Variants in TCF7L1 observed in about 807,000 individuals in gnomAD.
TCF7L1 encodes transcription factor 7 like 1.
Under a neutral mutation model 63.7 loss-of-function variants are expected in TCF7L1, and 18 were observed. The ratio of observed to expected loss-of-function variants is 0.28; its 90% CI spans 0.20 to 0.42. The LOEUF (loss-of-function observed/expected upper bound fraction) is 0.42, where lower values mean the gene tolerates loss of function less well. TCF7L1 is among the 10% of genes least tolerant of loss of function. TCF7L1 has a pLI of 1.00. For synonymous variants in TCF7L1, 355 were observed against 340.9 expected (o/e 1.04, Z -0.46); for missense variants, 654 against 779.3 (o/e 0.84, Z 1.91).
intron 3 of TCF7L1, among the ~76,000 whole-genome samples, chr2:85,227,537 G>A (rs1679986050): frequency 1.3e-5 from 2 of 151,942 alleles, no homozygotes; most frequent in South Asian, 4.2e-4. Flanking sequence ...GGGTGGGTGG[G>A]GGGACAAGCT....
Position 85,235,995 on chromosome 2 carries a change from C to CA in TCF7L1, c.442-47492dup, listed in dbSNP as rs201374140. Reference sequence around the variant, plus strand: ...GCAATATAGTGAGACCTCGCCTCTACAAAAAAAATCAAAAAATTAGCCAGG... The same window carrying CA: ...GCAATATAGTGAGACCTCGCCTCTACAAAAAAAAATCAAAAAATTAGCCAGG... On this transcript the variant is annotated intron_variant, in intron 3 of 11. Transcript: ENST00000282111. Among the ~76,000 whole-genome samples the CA allele has an allele frequency of 9.9e-3, 1,498 of 151,866 alleles. 30 individuals carry two copies. Among genetic ancestry groups the CA allele is most frequent in the African/African-American group, 0.034 (1,389 of 41,380 alleles).
chr2:85,220,717 A>T (rs1222474614), intron 3 of TCF7L1, among the ~76,000 whole-genome samples: 1 of 152,238 alleles, frequency 6.6e-6, no homozygotes, highest in Non-Finnish European at 1.5e-5. Context: ...CAACATTTTT[A>T]AAACTTCAGA....
chr2:85,159,853 CA>C (rs934505624), intron 3 of TCF7L1, among the ~76,000 whole-genome samples: 3 of 152,206 alleles, frequency 2.0e-5, no homozygotes, highest in Non-Finnish European at 2.9e-5. Context: ...TCTCGTGTGC[CA>C]GGGGGACCCA....
Position 85,133,877 on chromosome 2 carries a change from G to A in TCF7L1, c.193G>A (p.Val65Ile). 1 of 1,522,438 alleles carries A rather than the reference G, an allele frequency of 6.6e-7. No individual in the cohort carries two copies. Among genetic ancestry groups the A allele is most frequent in the East Asian group, 2.5e-5 (1 of 39,556 alleles). The allele number at this position is 1,522,438 out of a possible 1,614,324, so 94.3% of individuals were successfully genotyped here. A position where few individuals can be genotyped will look rare whatever the true frequency, so the allele number is the denominator to read the frequency against. Residue 65 changes from valine to isoleucine, a missense_variant, in exon 1 of 12, where the codon GTC becomes ATC. Val to Ile is a conservative substitution (Grantham distance 29). This residue lies in a region of TCF7L1 where 404 missense variants were observed against 454.8 expected (regional missense o/e 0.89). Transcript: ENST00000282111. This position sits in a 1 kb window ranked among gnomAD's most constrained non-coding sequence, Gnocchi z 4.4. ...SASAQRDLDEVKSSLVNESEN... is the reference protein window; with the variant it reads ...SASAQRDLDEIKSSLVNESEN... The stretch of plus-strand genomic sequence containing the variant: ...CTCGGCGCAGCGGGACCTAGACGAG[G>A]TCAAGTCGTCCCTGGTCAACGAGTC...
intron 3 of TCF7L1, among the ~76,000 whole-genome samples, chr2:85,158,821 G>A (rs1678213548): frequency 6.6e-6 from 1 of 152,224 alleles, no homozygotes; most frequent in South Asian, 2.1e-4. Context: ...AGGCCCTGTG[G>A]CCACAGCTCA....
chr2:85,137,134 C>G (rs10195646), intron 3 of TCF7L1, among the ~76,000 whole-genome samples: 5 of 152,224 alleles, frequency 3.3e-5, no homozygotes, highest in African/African-American at 9.6e-5. Flanking sequence ...TTATCTGCTG[C>G]TCTAACACTT....
chr2:85,176,778 G>C (rs1484243507), intron 3 of TCF7L1, among the ~76,000 whole-genome samples: 3 of 152,078 alleles, frequency 2.0e-5, no homozygotes, highest in Admixed American at 2.0e-4. Context: ...GTTGAAGTCA[G>C]GAGTTCAGGA....
In TCF7L1 at chr2:85,241,431, G is replaced by GTTTTTT. The variant is rs1273488175; in HGVS notation, c.442-42059_442-42058insTTTTTT. ...TGATCCAGAGGACTGGATGCACTTT[G>GTTTTTT]TTTTTGTTTTTTTTTTTTTTTTTTT... On this transcript the variant is annotated intron_variant, in intron 3 of 11. Transcript: ENST00000282111. Among the ~76,000 whole-genome samples the GTTTTTT allele has an allele frequency of 6.8e-3, 468 of 68,716 alleles. 47 individuals are homozygous for GTTTTTT. Among genetic ancestry groups the GTTTTTT allele is most frequent in the African/African-American group, 0.022 (423 of 19,200 alleles). 45.1% of individuals were successfully genotyped at this position (68,716 alleles called of 152,430 possible). A position where few individuals can be genotyped will look rare whatever the true frequency, so the allele number is the denominator to read the frequency against.
rs79773378 is a variant in TCF7L1, at chr2:85,270,015, C to A, written c.442-13480C>A. Among the ~76,000 whole-genome samples the A allele has an allele frequency of 3.6e-3, 552 of 152,338 alleles. 1 individual carries two copies. Among genetic ancestry groups the A allele is most frequent in the Non-Finnish European group, 5.4e-3 (366 of 68,038 alleles). On this transcript the variant is annotated intron_variant, in intron 3 of 11. Coordinates refer to ENST00000282111, the MANE Select transcript of TCF7L1 (RefSeq NM_031283.3). The stretch of plus-strand genomic sequence containing the variant: ...AGAGGCCTCCTCAGACATTTCCCAT[C>A]TCCCGGTGCCCAGGAGTTGTTGACT...
At chr2:85,172,078 A>G (rs1201308057) in intron 3 of TCF7L1, among the ~76,000 whole-genome samples, 5 of 152,038 alleles carry the variant, frequency 3.3e-5, no homozygotes, top group African/African-American at 1.2e-4. Flanking sequence ...TGTTTGAAAT[A>G]TGTCCTTGAT....
Position 85,305,281 on chromosome 2 carries a change from T to C in TCF7L1, c.867T>C (p.Ser289=). The C allele has an allele frequency of 6.2e-7, 1 of 1,614,040 alleles. No individual in the cohort carries two copies. Among genetic ancestry groups the C allele is most frequent in the Non-Finnish European group, 8.5e-7 (1 of 1,179,996 alleles). The change falls in exon 8 of 12, where the codon TCT becomes TCC. Residue 289 remains serine, a synonymous_variant. Transcript: ENST00000282111. ...ACAGCCTGGTCTCCAGTCGGTTCTC[T>C]CCTCACATGGTGGCTCCTGCCCACC... ...SMSSLVSSRF[S]PHMVAPAHPG... is the part of the protein sequence containing the mutation.
At chr2:85,146,957 T>A (rs1259114013) in intron 3 of TCF7L1, among the ~76,000 whole-genome samples, 1 of 152,184 alleles carries the variant, frequency 6.6e-6, no homozygotes, top group East Asian at 1.9e-4. Flanking sequence ...GCTCTATTGA[T>A]TCTGTTTTTC....
chr2:85,305,840 G>T (rs1682093874), intron 8 of TCF7L1, among the ~76,000 whole-genome samples: 1 of 152,074 alleles, frequency 6.6e-6, no homozygotes, highest in African/African-American at 2.4e-5. Flanking sequence ...GTGCTCCCTG[G>T]AGATCCCAAG....
At chr2:85,221,612 ACT>A (rs1192225738) in intron 3 of TCF7L1, among the ~76,000 whole-genome samples, 3 of 152,098 alleles carry the variant, frequency 2.0e-5, no homozygotes, top group African/African-American at 7.2e-5. Flanking sequence ...TGGGGGGCAA[ACT>A]CATACTTTAA....
chr2:85,269,220 A>G (rs1241504863), intron 3 of TCF7L1, among the ~76,000 whole-genome samples: 2 of 152,172 alleles, frequency 1.3e-5, no homozygotes, highest in Non-Finnish European at 2.9e-5. Flanking sequence ...TCCTACAACC[A>G]TATTCCCTGG....
At chr2:85,294,025 G>GTTTTTTTTTTTTT (rs1558658876) in intron 4 of TCF7L1, among the ~76,000 whole-genome samples, 4 of 70,560 alleles carry the variant, frequency 5.7e-5, no homozygotes, top group Admixed American at 1.6e-4. Flanking sequence ...TGAACACTGG[G>GTTTTTTTTTTTTT]ATTTTTTTTT....
chr2:85,227,432 C>T (rs1212113292), intron 3 of TCF7L1, among the ~76,000 whole-genome samples: 1 of 150,790 alleles, frequency 6.6e-6, no homozygotes. Context: ...CAGAGTAATA[C>T]CCCCTCTTTT....
chr2:85,289,641 A>G (rs1379868735), intron 4 of TCF7L1, among the ~76,000 whole-genome samples: 2 of 152,174 alleles, frequency 1.3e-5, no homozygotes, highest in Non-Finnish European at 2.9e-5. Flanking sequence ...CCTTTTATTT[A>G]AACATTTTAA....
intron 3 of TCF7L1, among the ~76,000 whole-genome samples, chr2:85,193,373 C>A (rs1679081407): frequency 6.6e-6 from 1 of 152,072 alleles, no homozygotes; most frequent in Admixed American, 6.6e-5. Context: ...ATTTTTCTTT[C>A]TTTTTTCTTG....
Sources: allele counts gnomAD v4.1 joint callset (sites outside exome capture counted in the v4.1 genomes callset), GRCh38; gene constraint gnomAD v4.1.1; regional missense constraint gnomAD v4.1.1; non-coding constraint Gnocchi (gnomAD v3.1); transcripts MANE v1.5; gene names NCBI Gene and HGNC (gene_info 2026-07-23, HGNC 2026-07-21).